The following KCNG1 variants were observed in gnomAD, a reference collection of about 807,000 sequenced individuals.
The protein encoded by KCNG1 is potassium voltage-gated channel modifier subfamily G member 1.
In KCNG1, 17 loss-of-function variants were observed where a neutral mutation model predicts 32.4. The ratio of observed to expected loss-of-function variants is 0.52; its 90% CI spans 0.36 to 0.79. The LOEUF (loss-of-function observed/expected upper bound fraction) is 0.79, where lower values mean the gene tolerates loss of function less well. Ranked by LOEUF, KCNG1 falls within the 30% of genes least tolerant of loss-of-function variation. The probability of loss-of-function intolerance (pLI) is 0.00; values close to 1 mark genes in which losing one functional copy is unlikely to be tolerated. For synonymous variants in KCNG1, 358 were observed against 339.9 expected, an observed-to-expected ratio of 1.05 and a Z score of -0.59; for missense variants, 441 against 735.2, an observed-to-expected ratio of 0.60 and a Z score of 4.63.
At position 51,021,220 on chromosome 20, in the gene KCNG1, C is replaced by T. The variant is rs554288361; in HGVS notation, c.-27+1650G>A. Among the ~76,000 whole-genome samples the T allele has an allele frequency of 3.9e-5, 6 of 152,368 alleles. No individual in the cohort carries two copies. The East Asian group carries it at 7.7e-4, about 20-fold the overall frequency. Reference sequence around the variant, plus strand: ...CAGGACAGACATCTTTCCCGTGGAACGGGCTGGCTTCGAGAATGACTGAGG... The same window carrying T: ...CAGGACAGACATCTTTCCCGTGGAATGGGCTGGCTTCGAGAATGACTGAGG... On this transcript the variant is annotated intron_variant, in intron 1 of 2. Coordinates refer to ENST00000371571, the MANE Select transcript of KCNG1 (RefSeq NM_002237.4).
At chr20:51,014,673 G>C (rs1039492010) in intron 1 of KCNG1, among the ~76,000 whole-genome samples, 1 of 152,244 alleles carries the variant, frequency 6.6e-6, no homozygotes, top group African/African-American at 2.4e-5. Context: ...CCTCACGGAG[G>C]TGACCTTCTG....
intron 1 of KCNG1, among the ~76,000 whole-genome samples, chr20:51,017,063 C>T (rs1988305250): frequency 6.6e-6 from 1 of 152,248 alleles, no homozygotes; most frequent in African/African-American, 2.4e-5. Flanking sequence ...AAATCCTTCA[C>T]TCAGGGTTTG....
chr20:51,016,731 G>A (rs920640213), intron 1 of KCNG1, among the ~76,000 whole-genome samples: 7 of 152,218 alleles, frequency 4.6e-5, no homozygotes, highest in African/African-American at 1.7e-4. Flanking sequence ...CATGCCTGAC[G>A]CTGAGTGAAC....
rs771655584 is a variant in KCNG1 at position 51,003,999 on chromosome 20, G to A, written c.*40C>T. ...GTCTGCAGTGGATGGCAATGGCTTC[G>A]GGCCACAGATGGCAGGCAGGGCAGG... On this transcript the variant is annotated 3_prime_UTR_variant, in exon 3 of 3. Transcript: ENST00000371571. 6.3e-7 allele frequency: 1 copy of A among 1,588,716 alleles called. No individual in the cohort carries two copies. Among genetic ancestry groups the A allele is most frequent in the Admixed American group, 1.7e-5 (1 of 59,264 alleles).
intron 1 of KCNG1, among the ~76,000 whole-genome samples, chr20:51,011,485 A>G (rs1180570441): frequency 6.6e-6 from 1 of 152,168 alleles, no homozygotes; most frequent in African/African-American, 2.4e-5. Context: ...ATTGGCATTT[A>G]GTAGGTAGAG....
At chr20:51,018,288 C>A (rs935203399) in intron 1 of KCNG1, among the ~76,000 whole-genome samples, 1 of 152,190 alleles carries the variant, frequency 6.6e-6, no homozygotes, top group Non-Finnish European at 1.5e-5. Flanking sequence ...CCTGCCTCCT[C>A]CCCTAGAAGA....
rs1275292229 is a variant in KCNG1 at position 51,004,423 on chromosome 20, C to T, written c.1158G>A (p.Val386=). The T allele has an allele frequency of 1.9e-6, 3 of 1,610,000 alleles. No individual in the cohort carries two copies. The highest frequency in any genetic ancestry group is 3.3e-5 in the Admixed American group (2 of 59,868). The part of the protein sequence containing the change: ...EFGLLLLFLC[V]AIALFAPLLY... ...GCAGGGGCGCGAAGAGGGCGATGGC[C>T]ACGCAGAGGAAGAGCAGCAGGAGCC... The change falls in exon 3 of 3, where the codon GTG becomes GTA. Residue 386 remains valine, a synonymous_variant. Coordinates refer to ENST00000371571, the MANE Select transcript of KCNG1 (RefSeq NM_002237.4). The surrounding 1 kb of genome is among the most constrained non-coding windows in gnomAD (Gnocchi z 4.3).
chr20:51,006,150 C>T (rs915389803), intron 2 of KCNG1: 1 of 152,176 alleles, frequency 6.6e-6, no homozygotes, highest in Non-Finnish European at 1.5e-5. Flanking sequence ...ACCCTGTCTC[C>T]CCTGTAGTGC....
intron 1 of KCNG1, among the ~76,000 whole-genome samples, chr20:51,018,668 C>A (rs1007838593): frequency 2.6e-5 from 4 of 152,230 alleles, no homozygotes; most frequent in African/African-American, 9.6e-5. Flanking sequence ...GCCTTCATTG[C>A]CTGAGTCTCC....
intron 2 of KCNG1, chr20:51,007,885 C>T (rs6020907): frequency 0.77 from 117,226 of 151,570 alleles, 46,124 homozygotes; most frequent in Middle Eastern, 0.87. Context: ...CCAAAAGTAC[C>T]AGTAAGCCTC....
At chr20:51,006,366 A>G (rs1205462618) in intron 2 of KCNG1, 1 of 152,232 alleles carries the variant, frequency 6.6e-6, no homozygotes, top group East Asian at 1.9e-4. Context: ...ACGATCAAAG[A>G]TGTTGAAGCT....
At chr20:51,016,150 G>A (rs1036349494) in intron 1 of KCNG1, among the ~76,000 whole-genome samples, 1 of 152,210 alleles carries the variant, frequency 6.6e-6, no homozygotes, top group African/African-American at 2.4e-5. Flanking sequence ...GAAATGGGAT[G>A]CTGAGGCCAG....
intron 1 of KCNG1, among the ~76,000 whole-genome samples, chr20:51,018,226 C>A (rs961872022): frequency 1.3e-5 from 2 of 152,266 alleles, no homozygotes; most frequent in Non-Finnish European, 2.9e-5. Flanking sequence ...CTGCTAATAA[C>A]CCTGTGGCCT....
intron 1 of KCNG1, among the ~76,000 whole-genome samples, chr20:51,012,056 G>A (rs1988113999): frequency 6.6e-6 from 1 of 152,210 alleles, no homozygotes; most frequent in Non-Finnish European, 1.5e-5. Flanking sequence ...GCCTCCCAAA[G>A]TGCTGGGATT....
intron 1 of KCNG1, chr20:51,022,570 C>T (rs1424846223): frequency 1.3e-5 from 2 of 152,330 alleles, no homozygotes; most frequent in Non-Finnish European, 2.9e-5. Flanking sequence ...CGGGATGCGC[C>T]CCCGCCGGGG....
chr20:51,019,237 C>T (rs1487300737), intron 1 of KCNG1, among the ~76,000 whole-genome samples: 2 of 152,102 alleles, frequency 1.3e-5, no homozygotes, highest in East Asian at 1.9e-4. Flanking sequence ...TCAGGCTGGG[C>T]GCAGGGGCTT....
At chr20:51,017,081 G>T (rs1485501794) in intron 1 of KCNG1, among the ~76,000 whole-genome samples, 1 of 152,188 alleles carries the variant, frequency 6.6e-6, no homozygotes, top group African/African-American at 2.4e-5. Context: ...TTGCTTCTGG[G>T]GAACCAGATG....
At chr20:51,010,411 C>T in intron 1 of KCNG1, 47 bp from the exon 2 acceptor site, 1 of 1,287,166 alleles carries the variant, frequency 7.8e-7, no homozygotes, top group Non-Finnish European at 1.1e-6. Context: ...CCCCTAGCTT[C>T]ACCTTGCTGA....
At chr20:51,020,337 G>A (rs1461512902) in intron 1 of KCNG1, among the ~76,000 whole-genome samples, 2 of 152,162 alleles carry the variant, frequency 1.3e-5, no homozygotes, top group Non-Finnish European at 2.9e-5. Flanking sequence ...GGCAGGAAGG[G>A]AGACACCTGC....
Sources: gnomAD v4.1 joint callset for allele counts (sites outside exome capture counted in the v4.1 genomes callset) on GRCh38, gnomAD v4.1.1 for gene constraint, Gnocchi (gnomAD v3.1) non-coding constraint, MANE v1.5 for transcripts, NCBI Gene and HGNC (gene_info 2026-07-23, HGNC 2026-07-21) for gene names.